The following RANBP2 variants were observed in gnomAD, a reference collection of about 807,000 sequenced individuals.
The protein encoded by RANBP2 is RAN binding protein 2, also known as E3 SUMO-protein ligase RanBP2.
A neutral mutation model predicts 303.6 loss-of-function variants in RANBP2; 57 were observed. The ratio of observed to expected loss-of-function variants is 0.19; its 90% CI spans 0.15 to 0.23. The LOEUF (loss-of-function observed/expected upper bound fraction) is 0.23, where lower values mean the gene tolerates loss of function less well. Among genes scored for constraint, RANBP2 ranks in the 10% least tolerant of loss-of-function variants. The pLI is 1.00. For synonymous variants in RANBP2, 1,167 were observed against 1,301.5 expected, an observed-to-expected ratio of 0.90 and a Z score of 2.23; for missense variants, 3,138 against 3,780.8, an observed-to-expected ratio of 0.83 and a Z score of 4.46.
At chr2:109,658,862 C>T in the RANBP2 span, among the ~76,000 whole-genome samples, 3 of 151,952 alleles carry the variant, frequency 2.0e-5, no homozygotes, top group East Asian at 5.8e-4. Flanking sequence ...GTCAGGAGTT[C>T]GAGACTAGCC....
chr2:109,110,552 A>C, the RANBP2 span, among the ~76,000 whole-genome samples: 2 of 152,180 alleles, frequency 1.3e-5, no homozygotes, highest in African/African-American at 4.8e-5. Context: ...CTTCCCACCC[A>C]CTGTCTCGGC....
chr2:109,029,850 C>T, the RANBP2 span, among the ~76,000 whole-genome samples: 1 of 152,254 alleles, frequency 6.6e-6, no homozygotes, highest in African/African-American at 2.4e-5. Context: ...TGGATGCAGA[C>T]ATCCTTAGCC....
the RANBP2 span, among the ~76,000 whole-genome samples, chr2:108,947,219 T>G: frequency 4.6e-5 from 7 of 152,232 alleles, no homozygotes; most frequent in Non-Finnish European, 1.0e-4. Flanking sequence ...ATCCAGGGCA[T>G]GCTGATGCAA....
At chr2:109,390,971 C>G in the RANBP2 span, among the ~76,000 whole-genome samples, 2 of 152,226 alleles carry the variant, frequency 1.3e-5, no homozygotes, top group Non-Finnish European at 2.9e-5. Flanking sequence ...GCAGCTTGGC[C>G]AACTGCCCCC....
the RANBP2 span, among the ~76,000 whole-genome samples, chr2:109,168,598 T>C: frequency 3.9e-5 from 6 of 152,346 alleles, no homozygotes; most frequent in South Asian, 2.1e-4. Flanking sequence ...CCAGACTGAC[T>C]GATCTGGCCG....
the RANBP2 span, among the ~76,000 whole-genome samples, chr2:108,804,494 T>A: frequency 2.0e-5 from 3 of 152,166 alleles, no homozygotes; most frequent in African/African-American, 7.2e-5. Flanking sequence ...TAATGTAAAT[T>A]ATACACTTTA....
chr2:108,751,146 A>G, intron 9 of RANBP2, 118 bp from the exon 10 acceptor site: 3 of 1,512,102 alleles, frequency 2.0e-6, no homozygotes, highest in Non-Finnish European at 2.7e-6. Flanking sequence ...TTCAGCTTTG[A>G]TATAGAAAAG....
At chr2:109,466,115 C>G in the RANBP2 span, among the ~76,000 whole-genome samples, 1 of 138,160 alleles carries the variant, frequency 7.2e-6, no homozygotes, top group South Asian at 2.3e-4. Context: ...AGTCTCGCTC[C>G]GTCGCCCAGG....
the RANBP2 span, among the ~76,000 whole-genome samples, chr2:108,794,244 T>A: frequency 6.6e-6 from 1 of 152,136 alleles, no homozygotes; most frequent in East Asian, 1.9e-4. Context: ...GCTTTTAAGG[T>A]TGCTTTCCAT....
At chr2:109,490,471 TA>T in the RANBP2 span, 2 of 776,222 alleles carry the variant, frequency 2.6e-6, no homozygotes, top group Non-Finnish European at 1.9e-6. Context: ...CTGTGAGTGG[TA>T]AAGTCTTTTG....
chr2:108,751,521 A>G lies in RANBP2; in HGVS notation c.1456-7A>G, dbSNP rs144029181. 215,922 of 1,508,858 alleles carry G rather than the reference A, an allele frequency of 0.14. 22,013 individuals carry two copies. The highest frequency in any genetic ancestry group is 0.16 in the South Asian group (13,242 of 84,996). The allele number at this position is 1,508,858 out of a possible 1,614,324, so 93.5% of individuals were successfully genotyped here. ...TTTCTAACTTAACTTTTCCTTAAATAAAACAGGTATTTCTCCTTGGAGTAG... is the reference window on the plus strand; with the variant it reads ...TTTCTAACTTAACTTTTCCTTAAATGAAACAGGTATTTCTCCTTGGAGTAG... On this transcript the variant is annotated splice_polypyrimidine_tract_variant and splice_region_variant and intron_variant, in intron 10 of 28. Coordinates refer to ENST00000283195, the MANE Select transcript of RANBP2 (RefSeq NM_006267.5).
At chr2:109,522,850 C>T in the RANBP2 span, among the ~76,000 whole-genome samples, 1 of 152,206 alleles carries the variant, frequency 6.6e-6, no homozygotes, top group East Asian at 1.9e-4. Flanking sequence ...AAGCACGTGG[C>T]AGCCAGACTT....
chr2:109,645,010 CTTTG>C, the RANBP2 span, among the ~76,000 whole-genome samples: 3 of 152,212 alleles, frequency 2.0e-5, no homozygotes, highest in African/African-American at 7.2e-5. Flanking sequence ...AACTGAGCAG[CTTTG>C]TTTGCCTCCC....
the RANBP2 span, among the ~76,000 whole-genome samples, chr2:109,695,071 A>G: frequency 2.6e-5 from 4 of 151,926 alleles, no homozygotes; most frequent in Non-Finnish European, 5.9e-5. Flanking sequence ...CCATTATACT[A>G]TTGAGCCCAC....
the RANBP2 span, among the ~76,000 whole-genome samples, chr2:108,860,454 A>G: frequency 1.3e-5 from 2 of 151,350 alleles, no homozygotes; most frequent in South Asian, 2.1e-4. Flanking sequence ...ATTAAATATG[A>G]TATTGACTGT....
the RANBP2 span, among the ~76,000 whole-genome samples, chr2:108,972,524 C>T: frequency 1.3e-5 from 2 of 152,186 alleles, no homozygotes; most frequent in African/African-American, 4.8e-5. Context: ...TGCAACGGGC[C>T]GAGGCAGCCT....
At chr2:108,970,580 A>T in the RANBP2 span, among the ~76,000 whole-genome samples, 1 of 152,072 alleles carries the variant, frequency 6.6e-6, no homozygotes, top group Non-Finnish European at 1.5e-5. Context: ...CAGGCAGGCC[A>T]CACAGAGAAT....
At chr2:108,736,882 A>T (rs1477050963) in intron 6 of RANBP2, among the ~76,000 whole-genome samples, 11 of 152,114 alleles carry the variant, frequency 7.2e-5, no homozygotes, top group Non-Finnish European at 1.2e-4. Context: ...GTTAATATTT[A>T]TTGGAATGCA....
the RANBP2 span, among the ~76,000 whole-genome samples, chr2:109,318,071 A>C: frequency 2.0e-5 from 3 of 149,352 alleles, no homozygotes; most frequent in South Asian, 6.3e-4. Flanking sequence ...CTGTTTTTCT[A>C]AGCCATGAGC....
Sources: allele counts gnomAD v4.1 joint callset (sites outside exome capture counted in the v4.1 genomes callset), GRCh38; gene constraint gnomAD v4.1.1; transcripts MANE v1.5; gene names NCBI Gene and HGNC (gene_info 2026-07-23, HGNC 2026-07-21).